STAB2: variants seen among roughly 807,000 people sequenced by gnomAD.
STAB2 encodes stabilin 2, also known as stabilin-2.
STAB2 carries 288 observed loss-of-function variants against 338.1 expected under a neutral mutation model. The observed-to-expected ratio is 0.85, with a 90% confidence interval of 0.77 to 0.94. STAB2 has a LOEUF of 0.94. STAB2 is among the 40% of genes least tolerant of loss of function. STAB2 has a pLI of 0.00. For missense variants in STAB2, 3,141 were observed against 3,210.1 expected (o/e 0.98, Z 0.52); for synonymous variants, 1,202 against 1,193.3 (o/e 1.01, Z -0.15).
intron 2 of STAB2, among the ~76,000 whole-genome samples, chr12:103,592,529 G>A (rs1168394413): frequency 3.9e-5 from 6 of 151,980 alleles, no homozygotes; most frequent in Non-Finnish European, 7.4e-5. Flanking sequence ...ATGTTCTTTC[G>A]TTCTGTTTGA....
intron 3 of STAB2, among the ~76,000 whole-genome samples, chr12:103,615,634 C>G (rs1234309400): frequency 1.3e-5 from 2 of 152,144 alleles, no homozygotes; most frequent in Non-Finnish European, 2.9e-5. Context: ...TCCATTCTCA[C>G]ACTGCTATGA....
intron 3 of STAB2, among the ~76,000 whole-genome samples, chr12:103,614,654 C>T (rs1957181586): frequency 6.6e-6 from 1 of 152,208 alleles, no homozygotes; most frequent in Non-Finnish European, 1.5e-5. Context: ...AGTTCATCCA[C>T]ATCAGAACCT....
intron 3 of STAB2, among the ~76,000 whole-genome samples, chr12:103,601,823 T>C (rs1422830877): frequency 6.6e-6 from 1 of 152,214 alleles, no homozygotes; most frequent in Non-Finnish European, 1.5e-5. Flanking sequence ...TCTGAATTTG[T>C]TTTCCTTTCC....
In STAB2 at chr12:103,689,970, C is replaced by T. The variant is rs754728670; in HGVS notation, c.3170C>T (p.Pro1057Leu). The T allele has an allele frequency of 1.9e-6, 3 of 1,613,164 alleles. No individual in the cohort carries two copies. The highest frequency in any genetic ancestry group is 2.7e-5 in the African/African-American group (2 of 74,858). The change falls in exon 29 of 69, where the codon CCA (proline) becomes CTA (leucine). Residue 1057 changes from proline to leucine, a missense_variant. Physicochemically the swap from Pro to Leu is moderately conservative, Grantham distance 98. Coordinates refer to ENST00000388887, the MANE Select transcript of STAB2 (RefSeq NM_017564.10). The stretch of plus-strand genomic sequence containing the variant: ...TTCTGGTTGTCACAGAGCAATATTC[C>T]AGCCCTAATAAAGTAGGTGTTACTT... Reference protein sequence around the residue: ...KSFWLSQSNIPALIKYHMLLG... With the variant: ...KSFWLSQSNILALIKYHMLLG...
chr12:103,746,689 G>A lies in STAB2; in HGVS notation c.6229G>A (p.Gly2077Arg), dbSNP rs767220727. Residue 2077 changes from glycine (G) to arginine (R), a missense_variant, in exon 58 of 69, where the codon GGA becomes AGA. Transcript: ENST00000388887. ...GTGTAACCTGGATTATGAAGGTGAC[G>A]GAATCACATGCACAGGTAAGCCACC... Reference protein sequence around the residue: ...CECNLDYEGDGITCTVVDFCK... With the variant: ...CECNLDYEGDRITCTVVDFCK... 11 of 1,613,736 alleles carry A rather than the reference G, an allele frequency of 6.8e-6. No individual in the cohort carries two copies. Among genetic ancestry groups the A allele is most frequent in the Admixed American group, 3.3e-5 (2 of 59,990 alleles).
chr12:103,739,449 C>G lies in STAB2; in HGVS notation c.5735C>G (p.Pro1912Arg). The G allele has an allele frequency of 6.3e-7, 1 of 1,592,752 alleles. No homozygotes were observed. ...CGSCVNTPSC[P>R]RWSKPKGVKQ... ...AGCTGTGTCAATACTCCCAGCTGCC[C>G]AAGGTGGAGTAAACCAAAGGTAATT... Residue 1912 changes from proline to arginine, a missense_variant, in exon 54 of 69, where the codon CCA becomes CGA. Transcript: ENST00000388887.
chr12:103,663,203 C>T lies in STAB2; in HGVS notation c.2022+205C>T, dbSNP rs1005911253. Among the ~76,000 whole-genome samples, 14 of 152,166 alleles carry T rather than the reference C, an allele frequency of 9.2e-5. 1 individual carries two copies. In the East Asian group the frequency reaches 2.1e-3, roughly 23 times the overall value. ...GAACCACAGTTCCTTGGGGAATTTC[C>T]GCAATGATAGATGCTGCCCAGGAAT... On this transcript the variant is annotated intron_variant, in intron 18 of 68. Coordinates refer to ENST00000388887, the MANE Select transcript of STAB2 (RefSeq NM_017564.10).
chr12:103,757,927 A>G, intron 63 of STAB2: 1 of 539,160 alleles, frequency 1.9e-6, no homozygotes, highest in Non-Finnish European at 3.3e-6. Flanking sequence ...AGGGCTGCTC[A>G]AGCAGCCACG....
At chr12:103,699,302 T>G in intron 34 of STAB2, 75 bp downstream of exon 34, 1 of 1,520,174 alleles carries the variant, frequency 6.6e-7, no homozygotes, top group Non-Finnish European at 8.9e-7. Flanking sequence ...AATGAGTGTC[T>G]TGGCTCCTGT....
chr12:103,630,679 G>A (rs1957446266), intron 5 of STAB2, among the ~76,000 whole-genome samples: 1 of 152,162 alleles, frequency 6.6e-6, no homozygotes, highest in Non-Finnish European at 1.5e-5. Flanking sequence ...AGCATGAGAA[G>A]GATTTGGCCT....
At chr12:103,634,544 C>T (rs1255627561) in intron 6 of STAB2, among the ~76,000 whole-genome samples, 1 of 152,222 alleles carries the variant, frequency 6.6e-6, no homozygotes, top group East Asian at 1.9e-4. Context: ...TAAGAATAGA[C>T]ATTTTTCTAT....
rs115041481 is a variant in STAB2 at position 103,615,908 on chromosome 12, G to T, written c.332-4560G>T. On this transcript the variant is annotated intron_variant, in intron 3 of 68. Coordinates refer to ENST00000388887, the MANE Select transcript of STAB2 (RefSeq NM_017564.10). Reference sequence around the variant, plus strand: ...CCCCATGATCCAATTACCTCCACAGGGTCTAGCCCTTGACACATGGGGATT... The same window carrying T: ...CCCCATGATCCAATTACCTCCACAGTGTCTAGCCCTTGACACATGGGGATT... Among the ~76,000 whole-genome samples, 24 of 152,208 alleles carry T rather than the reference G, an allele frequency of 1.6e-4. No individual in the cohort carries two copies. The East Asian group carries it at 4.6e-3, about 29-fold the overall frequency.
chr12:103,689,745 C>G (rs912142220), intron 28 of STAB2, 101 bp from the exon 29 acceptor site: 37 of 1,471,064 alleles, frequency 2.5e-5, no homozygotes, highest in Non-Finnish European at 3.4e-5. Context: ...TAGGACCCTT[C>G]CAGTATCTTA....
At chr12:103,595,582 G>A (rs1194850393) in intron 3 of STAB2, among the ~76,000 whole-genome samples, 5 of 151,958 alleles carry the variant, frequency 3.3e-5, no homozygotes, top group Admixed American at 6.6e-5. Flanking sequence ...TTTAACTAAC[G>A]ATTAAATGAA....
chr12:103,661,739 G>C lies in STAB2; in HGVS notation c.1869+976G>C, dbSNP rs556838570. ...AGGGGAACAAACAGTGTGAATATCC[G>C]GGGGACATTCCAGAGGGAACAGCAA... On this transcript the variant is annotated intron_variant, in intron 17 of 68. Transcript: ENST00000388887. Among the ~76,000 whole-genome samples, 15 of 152,232 alleles carry C rather than the reference G, an allele frequency of 9.9e-5. No individual in the cohort carries two copies. In the East Asian group the frequency reaches 1.5e-3, roughly 16 times the overall value.
intron 63 of STAB2, among the ~76,000 whole-genome samples, chr12:103,757,014 T>A (rs751459806): frequency 0.3 from 42,267 of 141,416 alleles, 7,021 homozygotes; most frequent in East Asian, 0.51. Context: ...TATATATATA[T>A]ATATATATAT....
chr12:103,643,600 C>T (rs902539676), intron 9 of STAB2, among the ~76,000 whole-genome samples: 8 of 152,076 alleles, frequency 5.3e-5, no homozygotes, highest in South Asian at 2.1e-4. Flanking sequence ...AAGGATGTAG[C>T]ACAGTGGCAG....
At position 103,673,373 on chromosome 12, in the gene STAB2, G is replaced by T. The variant is rs376524637; in HGVS notation, c.2372-534G>T. Among the ~76,000 whole-genome samples the T allele has an allele frequency of 4.0e-5, 6 of 151,636 alleles. 1 individual carries two copies. The highest frequency in any genetic ancestry group is 1.5e-4 in the African/African-American group (6 of 41,322). ...TTATTTGTTTTGTTTTTGAGACAGG[G>T]TCTCACTCTGTTGACCAGGCTGGAG... On this transcript the variant is annotated intron_variant, in intron 22 of 68. Transcript: ENST00000388887.
chr12:103,744,426 A>C (rs919943788), intron 56 of STAB2, among the ~76,000 whole-genome samples: 2 of 150,712 alleles, frequency 1.3e-5, no homozygotes, highest in Non-Finnish European at 2.9e-5. Flanking sequence ...CACTGGGATT[A>C]CAGGCATGAT....
Sources: gnomAD v4.1 joint callset for allele counts (sites outside exome capture counted in the v4.1 genomes callset) on GRCh38, gnomAD v4.1.1 for gene constraint, MANE v1.5 for transcripts, NCBI Gene and HGNC (gene_info 2026-07-23, HGNC 2026-07-21) for gene names.